The following KANSL3 variants were observed in gnomAD, a reference collection of about 807,000 sequenced individuals.
The protein encoded by KANSL3 is KAT8 regulatory NSL complex subunit 3.
KANSL3 carries 16 observed loss-of-function variants against 89.2 expected under a neutral mutation model. That is an observed-to-expected ratio of 0.18 (90% CI 0.12 to 0.27). The LOEUF (loss-of-function observed/expected upper bound fraction) is 0.27. Ranked by LOEUF, KANSL3 falls within the 10% of genes least tolerant of loss-of-function variation. The probability of loss-of-function intolerance (pLI) is 1.00; values close to 1 mark genes in which losing one functional copy is unlikely to be tolerated. For missense variants in KANSL3, 879 were observed against 1,110.6 expected (o/e 0.79, Z 2.96); for synonymous variants, 385 against 419.7 (o/e 0.92, Z 1.01).
chr2:96,586,187 TGCACTCTA>T, the KANSL3 span, among the ~76,000 whole-genome samples: 1 of 147,790 alleles, frequency 6.8e-6, no homozygotes, highest in Admixed American at 6.8e-5. Context: ...ATCGTGCCAC[TGCACTCTA>T]GCCTGGATGA....
chr2:96,611,615 C>T (rs2068964609), intron 9 of KANSL3, among the ~76,000 whole-genome samples: 1 of 152,176 alleles, frequency 6.6e-6, no homozygotes, highest in African/African-American at 2.4e-5. Flanking sequence ...CTATGGGGAC[C>T]TTCTTCCTCT....
chr2:96,596,283 C>T (rs1237855008), intron 20 of KANSL3, among the ~76,000 whole-genome samples: 3 of 152,222 alleles, frequency 2.0e-5, no homozygotes, highest in Non-Finnish European at 2.9e-5. Flanking sequence ...GAAGGCCAGG[C>T]GAGGTGGCTC....
chr2:96,616,142 A>T (rs759518392), intron 5 of KANSL3, among the ~76,000 whole-genome samples: 2 of 152,204 alleles, frequency 1.3e-5, no homozygotes, highest in Admixed American at 6.5e-5. Flanking sequence ...GTAAGGAAGG[A>T]GGAGGATGTA....
chr2:96,611,152 A>T lies in KANSL3; in HGVS notation c.1087-14T>A. Reference sequence around the variant, plus strand: ...CATTACTGACACCTGTAAATAACAGAACAGTTTGTCTAAACGTCAACTGAG... The same window carrying T: ...CATTACTGACACCTGTAAATAACAGTACAGTTTGTCTAAACGTCAACTGAG... On this transcript the variant is annotated splice_polypyrimidine_tract_variant and intron_variant, in intron 9 of 20. Transcript: ENST00000431828. The T allele has an allele frequency of 6.2e-7, 1 of 1,612,598 alleles. No individual in the cohort carries two copies. The highest frequency in any genetic ancestry group is 8.5e-7 in the Non-Finnish European group (1 of 1,178,590).
chr2:96,601,651 T>A lies in KANSL3; in HGVS notation c.2608A>T (p.Ser870Cys). ...CTTCCTGGCAGACTCACCTGTGAGC[T>A]GGAGGGCAGCACCTGGGAAGAGGAC... ...EESSSQVLPSSSQRLPPAP is the reference protein window; with the variant it reads ...EESSSQVLPSCSQRLPPAP The change falls in exon 20 of 21, where the codon AGC becomes TGC. Residue 870 changes from serine to cysteine, a missense_variant. Ser to Cys is a moderately radical substitution (Grantham distance 112). Transcript: ENST00000431828. 6.2e-7 allele frequency: 1 copy of A among 1,613,676 alleles called. No individual in the cohort carries two copies.
At position 96,608,655 on chromosome 2, in the gene KANSL3, T is replaced by C. The variant is rs2068373182; in HGVS notation, c.1594A>G (p.Ser532Gly). Reference protein sequence around the residue: ...ASPSGSEDLSSVSSSPTSSPK... With the variant: ...ASPSGSEDLSGVSSSPTSSPK... ...CTGGAGGTGGGGCTGCTGGACACAC[T>C]GGAGAGATCCTGAGTAAGGTGAGAA... Residue 532 changes from serine (S) to glycine (G), a missense_variant, in exon 14 of 21, where the codon AGT (serine) becomes GGT (glycine). Coordinates refer to ENST00000431828, the MANE Select transcript of KANSL3 (RefSeq NM_001115016.3). 3.1e-6 allele frequency: 5 copies of C among 1,613,900 alleles called. No individual in the cohort carries two copies. In the South Asian group the frequency reaches 5.5e-5, roughly 18 times the overall value.
intron 13 of KANSL3, 42 bp downstream of exon 13, chr2:96,608,822 G>A: frequency 6.6e-7 from 1 of 1,522,878 alleles, no homozygotes; most frequent in Non-Finnish European, 8.8e-7. Flanking sequence ...ACTCTGTGGT[G>A]CTGATTCCCC....
At chr2:96,620,344 A>AT (rs1412563981) in intron 3 of KANSL3, among the ~76,000 whole-genome samples, 1 of 152,046 alleles carries the variant, frequency 6.6e-6, no homozygotes, top group Non-Finnish European at 1.5e-5. Context: ...TATTTTTTGT[A>AT]TTTTTTCTAT....
At chr2:96,596,406 A>G (rs1021166469) in intron 20 of KANSL3, among the ~76,000 whole-genome samples, 1 of 152,220 alleles carries the variant, frequency 6.6e-6, no homozygotes, top group Admixed American at 6.5e-5. Context: ...TTCAAACATT[A>G]GGTGAGCATA....
chr2:96,602,953 A>C, intron 17 of KANSL3, 91 bp from the exon 18 acceptor site: 4 of 1,189,722 alleles, frequency 3.4e-6, no homozygotes, highest in South Asian at 1.3e-5. Context: ...CCACCAACTA[A>C]AACACCAGTG....
chr2:96,612,334 T>G lies in KANSL3; in HGVS notation c.1034A>C (p.His345Pro), dbSNP rs1382691212. 6.2e-6 allele frequency: 10 copies of G among 1,613,562 alleles called. No homozygotes were observed. In the Admixed American group the frequency reaches 1.7e-4, roughly 27 times the overall value. Residue 345 changes from histidine to proline, a missense_variant, in exon 9 of 21, where the codon CAC becomes CCC. By Grantham distance (77) the His-to-Pro change is moderately conservative (BLOSUM62 -2). Coordinates refer to ENST00000431828, the MANE Select transcript of KANSL3 (RefSeq NM_001115016.3). The stretch of plus-strand genomic sequence containing the variant: ...CCAGCCAATCAAGATAATGGGTTTG[T>G]GTGGGAAATGGCTGTGAATCTTCAT... ...KVLEIHSHFP[H>P]KPIILIGWNT... is the part of the protein sequence containing the mutation.
At chr2:96,588,739 C>T (rs775670325), downstream of KANSL3, among the ~76,000 whole-genome samples, 289 of 152,074 alleles carry the variant, frequency 1.9e-3, no homozygotes, top group Non-Finnish European at 3.0e-3. Context: ...TACAGGCGCC[C>T]ACCACCACAC....
chr2:96,583,992 T>C, the KANSL3 span, among the ~76,000 whole-genome samples: 1 of 152,262 alleles, frequency 6.6e-6, no homozygotes, highest in Non-Finnish European at 1.5e-5. Flanking sequence ...CATGTGCACA[T>C]TGGCTACTTG....
chr2:96,612,323 T>C lies in KANSL3; in HGVS notation c.1045A>G (p.Ile349Val). 1 of 1,613,786 alleles carries C rather than the reference T, an allele frequency of 6.2e-7. No individual in the cohort carries two copies. Among genetic ancestry groups the C allele is most frequent in the East Asian group, 2.2e-5 (1 of 44,874 alleles). ...IHSHFPHKPI[I>V]LIGWNTGALV... Reference sequence around the variant, plus strand: ...GCTCCTGTGTTCCAGCCAATCAAGATAATGGGTTTGTGTGGGAAATGGCTG... The same window carrying C: ...GCTCCTGTGTTCCAGCCAATCAAGACAATGGGTTTGTGTGGGAAATGGCTG... Residue 349 changes from isoleucine to valine, a missense_variant, in exon 9 of 21, where the codon ATC becomes GTC. Ile to Val is a conservative substitution (Grantham distance 29). This residue lies in a region of KANSL3 where 198 missense variants were observed against 260.3 expected (regional missense o/e 0.76). Coordinates refer to ENST00000431828, the MANE Select transcript of KANSL3 (RefSeq NM_001115016.3).
intron 3 of KANSL3, among the ~76,000 whole-genome samples, chr2:96,625,703 A>G (rs1003818330): frequency 2.0e-5 from 3 of 152,204 alleles, no homozygotes; most frequent in Admixed American, 2.0e-4. Context: ...AAATCCCAGA[A>G]AAAGTTCTTA....
intron 5 of KANSL3, among the ~76,000 whole-genome samples, chr2:96,619,021 C>A (rs889948725): frequency 6.6e-5 from 10 of 152,204 alleles, no homozygotes; most frequent in African/African-American, 2.4e-4. Flanking sequence ...GCTTCTGTCA[C>A]CTTTCTCAAC....
At chr2:96,619,303 C>T in intron 5 of KANSL3, 56 bp downstream of exon 5, 1 of 1,510,420 alleles carries the variant, frequency 6.6e-7, no homozygotes, top group Non-Finnish European at 9.0e-7. Flanking sequence ...ACATCCTGAA[C>T]CCACAGGGGA....
intron 20 of KANSL3, chr2:96,601,386 A>G (rs546355956): frequency 2.1e-5 from 21 of 985,348 alleles, no homozygotes; most frequent in Non-Finnish European, 2.2e-5. Context: ...AAACAAAAAC[A>G]TTAAATACTA....
intron 3 of KANSL3, among the ~76,000 whole-genome samples, chr2:96,624,574 C>A (rs1309522839): frequency 6.6e-6 from 1 of 152,082 alleles, no homozygotes; most frequent in South Asian, 2.1e-4. Flanking sequence ...CAGGCTGGAG[C>A]GCAATGGCGT....
Sources: gnomAD v4.1 joint callset for allele counts (sites outside exome capture counted in the v4.1 genomes callset) on GRCh38, gnomAD v4.1.1 for gene constraint, gnomAD v4.1.1 regional missense constraint, MANE v1.5 for transcripts, NCBI Gene and HGNC (gene_info 2026-07-23, HGNC 2026-07-21) for gene names.